CHN2: variants seen among roughly 807,000 people sequenced by gnomAD.
The protein encoded by CHN2 is chimerin 2.
A neutral mutation model predicts 56.3 loss-of-function variants in CHN2; 35 were observed. The ratio of observed to expected loss-of-function variants is 0.62; its 90% CI spans 0.47 to 0.82. CHN2 has a LOEUF of 0.82. Among genes scored for constraint, CHN2 ranks in the 40% least tolerant of loss-of-function variants. The pLI, the probability that CHN2 is intolerant of heterozygous loss-of-function variation, is 0.00. For missense variants in CHN2, 491 were observed against 580.5 expected (o/e 0.85, Z 1.58); for synonymous variants, 210 against 212.8 (o/e 0.99, Z 0.12).
At chr7:29,377,310 G>A (rs1427852646) in intron 3 of CHN2, among the ~76,000 whole-genome samples, 1 of 152,150 alleles carries the variant, frequency 6.6e-6, no homozygotes, top group Non-Finnish European at 1.5e-5. Context: ...AGGCGTGAGC[G>A]ACCACGCCCC....
chr7:29,347,509 C>A (rs1362969210), intron 1 of CHN2, among the ~76,000 whole-genome samples: 1 of 152,012 alleles, frequency 6.6e-6, no homozygotes, highest in African/African-American at 2.4e-5. Context: ...CACAAGGTGG[C>A]AAGGGAGAGA....
intron 1 of CHN2, among the ~76,000 whole-genome samples, chr7:29,296,829 C>T (rs1281670090): frequency 6.6e-6 from 1 of 152,174 alleles, no homozygotes; most frequent in Non-Finnish European, 1.5e-5. Context: ...AATTGTCTTG[C>T]AGAGGTACAG....
chr7:29,512,483 C>T (rs17158147), intron 12 of CHN2, 81 bp from the exon 13 acceptor site: 26,237 of 1,204,618 alleles, frequency 0.022, 1,141 homozygotes, highest in East Asian at 0.15. Flanking sequence ...GAGATGTTAT[C>T]GGGACTTACA....
chr7:29,338,971 T>C (rs1796830628), intron 1 of CHN2, among the ~76,000 whole-genome samples: 1 of 152,220 alleles, frequency 6.6e-6, no homozygotes, highest in African/African-American at 2.4e-5. Context: ...CTACATGATA[T>C]CTGTCAAAAT....
chr7:29,361,078 T>C (rs909847726), intron 2 of CHN2, among the ~76,000 whole-genome samples: 6 of 152,204 alleles, frequency 3.9e-5, no homozygotes, highest in Non-Finnish European at 7.3e-5. Flanking sequence ...CTGGCACATA[T>C]TTGGGACATT....
chr7:29,232,164 C>T lies in CHN2; in HGVS notation c.49+37174C>T, dbSNP rs140963169. Among the ~76,000 whole-genome samples the T allele has an allele frequency of 1.2e-4, 19 of 152,182 alleles. No homozygotes were observed. The East Asian group carries it at 1.9e-3, about 15-fold the overall frequency. The stretch of plus-strand genomic sequence containing the variant: ...TGTAAACAGACTTGTAAACCTAGGA[C>T]GTTTTATGAGGACTTCATTAGGAGA... On this transcript the variant is annotated intron_variant, in intron 1 of 12. Transcript: ENST00000222792.
chr7:29,198,873 A>G (rs890738131), intron 1 of CHN2, among the ~76,000 whole-genome samples: 3 of 152,220 alleles, frequency 2.0e-5, no homozygotes, highest in Non-Finnish European at 4.4e-5. Flanking sequence ...CAGTAACTGA[A>G]AAGGGTAAAA....
intron 1 of CHN2, among the ~76,000 whole-genome samples, chr7:29,244,241 A>G (rs1204434656): frequency 6.6e-6 from 1 of 152,188 alleles, no homozygotes; most frequent in African/African-American, 2.4e-5. Flanking sequence ...TGATGAGCAG[A>G]CAAGGTGGTA....
At chr7:29,365,028 T>G (rs1799035466) in intron 2 of CHN2, among the ~76,000 whole-genome samples, 1 of 152,234 alleles carries the variant, frequency 6.6e-6, no homozygotes, top group Non-Finnish European at 1.5e-5. Context: ...CTCTTTTTGC[T>G]TAACAGAATG....
At chr7:29,486,003 C>G (rs1030388364) in intron 7 of CHN2, among the ~76,000 whole-genome samples, 1 of 152,082 alleles carries the variant, frequency 6.6e-6, no homozygotes, top group Non-Finnish European at 1.5e-5. Flanking sequence ...GTGTGTTCCC[C>G]ACTCCCTTTC....
intron 1 of CHN2, among the ~76,000 whole-genome samples, chr7:29,347,673 T>C (rs911840679): frequency 2.0e-5 from 3 of 152,140 alleles, no homozygotes; most frequent in Admixed American, 1.3e-4. Flanking sequence ...GTTTTCAAGA[T>C]GAAACTTGAA....
chr7:29,239,346 T>C (rs1787465915), intron 1 of CHN2, among the ~76,000 whole-genome samples: 1 of 152,110 alleles, frequency 6.6e-6, no homozygotes, highest in Non-Finnish European at 1.5e-5. Flanking sequence ...TTAACTGAGA[T>C]GGAAAAGATG....
rs565837593 is a variant in CHN2 at position 29,355,046 on chromosome 7, G to A, written c.88+383G>A. Among the ~76,000 whole-genome samples the A allele has an allele frequency of 7.8e-4, 119 of 151,662 alleles. 2 individuals are homozygous for A. The Middle Eastern group carries it at 0.01, about 13-fold the overall frequency. ...TGAAATGGCGCAATCTTGGCTCACC[G>A]CAACCTCCATCTCCTGGGTTCAAGC... On this transcript the variant is annotated intron_variant, in intron 2 of 12. Coordinates refer to ENST00000222792, the MANE Select transcript of CHN2 (RefSeq NM_004067.4).
At chr7:29,238,565 T>C (rs1554373360) in intron 1 of CHN2, among the ~76,000 whole-genome samples, 1 of 152,270 alleles carries the variant, frequency 6.6e-6, no homozygotes, top group African/African-American at 2.4e-5. Flanking sequence ...CATAAATGTA[T>C]TGAGGATTGT....
intron 6 of CHN2, among the ~76,000 whole-genome samples, chr7:29,408,050 C>T (rs946440816): frequency 3.9e-5 from 6 of 151,992 alleles, no homozygotes; most frequent in South Asian, 4.2e-4. Flanking sequence ...ATTAGCCAGG[C>T]ACTGTGGCAC....
At chr7:29,432,558 T>C (rs1305945105) in intron 6 of CHN2, among the ~76,000 whole-genome samples, 1 of 152,210 alleles carries the variant, frequency 6.6e-6, no homozygotes, top group African/African-American at 2.4e-5. Context: ...ACTCGCCTAC[T>C]AAGCCATAAG....
At chr7:29,419,649 A>G (rs908935803) in intron 6 of CHN2, among the ~76,000 whole-genome samples, 21 of 152,328 alleles carry the variant, frequency 1.4e-4, no homozygotes, top group Admixed American at 5.2e-4. Context: ...AACAACAACA[A>G]AAGTAAATAA....
chr7:29,350,467 T>A (rs1248287104), intron 1 of CHN2, among the ~76,000 whole-genome samples: 1 of 152,226 alleles, frequency 6.6e-6, no homozygotes, highest in Non-Finnish European at 1.5e-5. Flanking sequence ...CCTGACAGTG[T>A]GCTTTAGTGG....
intron 3 of CHN2, among the ~76,000 whole-genome samples, chr7:29,370,887 C>A (rs1205280588): frequency 6.6e-6 from 1 of 152,160 alleles, no homozygotes; most frequent in Non-Finnish European, 1.5e-5. Context: ...CTTAGCAAAT[C>A]CAGGAAAGCA....
Sources: gnomAD v4.1 joint callset for allele counts (sites outside exome capture counted in the v4.1 genomes callset) on GRCh38, gnomAD v4.1.1 for gene constraint, MANE v1.5 for transcripts, NCBI Gene and HGNC (gene_info 2026-07-23, HGNC 2026-07-21) for gene names.